Variants in TSPAN9 observed in about 807,000 individuals in gnomAD.
TSPAN9 encodes the protein tetraspanin-9.
In TSPAN9, 16 loss-of-function variants were observed where a neutral mutation model predicts 31.0. The observed-to-expected ratio is 0.52, with a 90% confidence interval of 0.35 to 0.78. The LOEUF is 0.78. Ranked by LOEUF, TSPAN9 falls within the 30% of genes least tolerant of loss-of-function variation. TSPAN9 has a pLI of 0.01. For synonymous variants in TSPAN9, 145 were observed against 121.6 expected (o/e 1.19, Z -1.27); for missense variants, 272 against 312.5 (o/e 0.87, Z 0.98).
At chr12:3,202,567 T>C (rs756798533) in intron 3 of TSPAN9, among the ~76,000 whole-genome samples, 2 of 152,310 alleles carry the variant, frequency 1.3e-5, no homozygotes, top group Non-Finnish European at 2.9e-5. Context: ...AGGACTGGGC[T>C]TCCTTTCCAG....
chr12:3,085,196 C>T (rs2098299824), intron 2 of TSPAN9, among the ~76,000 whole-genome samples: 1 of 150,912 alleles, frequency 6.6e-6, no homozygotes, highest in South Asian at 2.1e-4. Flanking sequence ...AAACTTTGTC[C>T]CTATTAAAAA....
intron 3 of TSPAN9, among the ~76,000 whole-genome samples, chr12:3,261,200 T>G (rs1387521789): frequency 6.6e-6 from 1 of 152,120 alleles, no homozygotes; most frequent in Non-Finnish European, 1.5e-5. Context: ...TGGAGGGTAA[T>G]AGTGGTGATG....
chr12:3,171,744 A>G (rs2098351952), intron 2 of TSPAN9: 2 of 152,318 alleles, frequency 1.3e-5, no homozygotes, highest in South Asian at 4.2e-4. Context: ...GGCCTTTGAA[A>G]GGTGTGTCCT....
intron 3 of TSPAN9, among the ~76,000 whole-genome samples, chr12:3,213,549 G>A (rs2098379859): frequency 1.3e-5 from 2 of 152,140 alleles, no homozygotes; most frequent in Non-Finnish European, 2.9e-5. Flanking sequence ...AGGGAGGAAT[G>A]CTGATGTGGT....
chr12:3,130,831 T>G (rs2098329514), intron 2 of TSPAN9, among the ~76,000 whole-genome samples: 1 of 152,238 alleles, frequency 6.6e-6, no homozygotes, highest in South Asian at 2.1e-4. Context: ...AGCCTTCTGT[T>G]TCTTTGCACA....
At position 3,279,051 on chromosome 12, in the gene TSPAN9, T is replaced by G; in HGVS notation, c.315T>G (p.Phe105Leu). ...AGCTGATCTTACTCATCCTCTTCTT[T>G]GTCTACATGGACAAGGTAAGCCTTA... is the stretch of plus-strand genomic sequence containing the variant. Reference protein sequence around the residue: ...LAELILLILFFVYMDKVNENA... With the variant: ...LAELILLILFLVYMDKVNENA... The change falls in exon 5 of 9, where the codon TTT (phenylalanine) becomes TTG (leucine). Residue 105 changes from phenylalanine to leucine, a missense_variant. Phe to Leu is a conservative substitution (Grantham distance 22). Coordinates refer to ENST00000011898, the MANE Select transcript of TSPAN9 (RefSeq NM_006675.5). 1 of 1,614,156 alleles carries G rather than the reference T, an allele frequency of 6.2e-7. No homozygotes were observed. The highest frequency in any genetic ancestry group is 1.3e-5 in the African/African-American group (1 of 75,052).
At chr12:3,121,426 C>G (rs1000672256) in intron 2 of TSPAN9, among the ~76,000 whole-genome samples, 19 of 139,464 alleles carry the variant, frequency 1.4e-4, no homozygotes, top group African/African-American at 5.1e-4. Flanking sequence ...GTGGTGTGAT[C>G]ACAGCTCATT....
intron 2 of TSPAN9, among the ~76,000 whole-genome samples, chr12:3,119,103 A>C (rs1241154069): frequency 6.6e-6 from 1 of 152,192 alleles, no homozygotes; most frequent in African/African-American, 2.4e-5. Context: ...TTAGAAAGTC[A>C]GTCCACAAAT....
chr12:3,238,532 C>G (rs1352103117), intron 3 of TSPAN9, among the ~76,000 whole-genome samples: 2 of 152,230 alleles, frequency 1.3e-5, no homozygotes, highest in African/African-American at 2.4e-5. Flanking sequence ...CTACATGGTC[C>G]TGTTACCCAG....
chr12:3,094,623 G>C (rs183878142), intron 2 of TSPAN9, among the ~76,000 whole-genome samples: 1 of 148,192 alleles, frequency 6.7e-6, no homozygotes, highest in East Asian at 2.1e-4. Context: ...CACAACCTCC[G>C]CTCCTGGGTT....
intron 2 of TSPAN9, among the ~76,000 whole-genome samples, chr12:3,190,911 G>A (rs1028375844): frequency 6.6e-6 from 1 of 152,244 alleles, no homozygotes; most frequent in African/African-American, 2.4e-5. Context: ...ACAAAGAGGA[G>A]GGACACAGTC....
chr12:3,150,187 T>C (rs1271260463), intron 2 of TSPAN9, among the ~76,000 whole-genome samples: 2 of 152,222 alleles, frequency 1.3e-5, no homozygotes, highest in Non-Finnish European at 2.9e-5. Flanking sequence ...TCAGAGAATA[T>C]GTCTCGGCCT....
At chr12:3,262,730 A>G (rs908135090) in intron 3 of TSPAN9, among the ~76,000 whole-genome samples, 1 of 152,138 alleles carries the variant, frequency 6.6e-6, no homozygotes, top group Non-Finnish European at 1.5e-5. Flanking sequence ...CGCTCGTTCC[A>G]GGTGAGTAAA....
chr12:3,236,073 G>A (rs1314786421), intron 3 of TSPAN9, among the ~76,000 whole-genome samples: 1 of 152,242 alleles, frequency 6.6e-6, no homozygotes, highest in African/African-American at 2.4e-5. Context: ...AGGCTCTGCT[G>A]TTGTTTCTGT....
intron 2 of TSPAN9, among the ~76,000 whole-genome samples, chr12:3,134,970 G>A (rs1398832216): frequency 6.6e-6 from 1 of 152,188 alleles, no homozygotes; most frequent in Non-Finnish European, 1.5e-5. Flanking sequence ...AGCTGTGGAG[G>A]ACATGGGGGA....
chr12:3,176,386 G>A (rs1045772808), intron 2 of TSPAN9, among the ~76,000 whole-genome samples: 4 of 152,222 alleles, frequency 2.6e-5, no homozygotes, highest in Non-Finnish European at 5.9e-5. Flanking sequence ...ATGTGCGAAG[G>A]CATGAGGAAC....
At chr12:3,269,251 TGTTCCTGCAGCCTGCC>T (rs2153979865) in intron 3 of TSPAN9, among the ~76,000 whole-genome samples, 1 of 39,622 alleles carries the variant, frequency 2.5e-5, no homozygotes, top group Admixed American at 2.4e-4. Flanking sequence ...GCCTGCCCTG[TGTTCCTGCAGCCTGCC>T]CTGTGTTCCT....
In TSPAN9 at chr12:3,280,338, G is replaced by T. The variant is rs748399308; in HGVS notation, c.331-44G>T. 22 of 1,580,752 alleles carry T rather than the reference G, an allele frequency of 1.4e-5. No individual in the cohort carries two copies. Among genetic ancestry groups the T allele is most frequent in the Non-Finnish European group, 1.9e-5 (22 of 1,154,696 alleles). On this transcript the variant is annotated intron_variant, in intron 5 of 8. Transcript: ENST00000011898. This position sits in a 1 kb window ranked among gnomAD's most constrained non-coding sequence, Gnocchi z 4.5. ...CTGAGGTGGGCTGGAGAGACGAGCT[G>T]CGTCCTGGTTCCAACCGTCTCACTG...
chr12:3,109,307 A>AGAGAGAGAGAGAGAGAGT (rs560687812), intron 2 of TSPAN9, among the ~76,000 whole-genome samples: 3 of 143,208 alleles, frequency 2.1e-5, no homozygotes, highest in African/African-American at 8.3e-5. Context: ...TGTGAGAGAG[A>AGAGAGAGAGAGAGAGAGT]GTGTGTGTGT....
Sources: allele counts gnomAD v4.1 joint callset (sites outside exome capture counted in the v4.1 genomes callset), GRCh38; gene constraint gnomAD v4.1.1; non-coding constraint Gnocchi (gnomAD v3.1); transcripts MANE v1.5; gene names NCBI Gene and HGNC (gene_info 2026-07-23, HGNC 2026-07-21).